Variants in SNX29 observed in about 807,000 individuals in gnomAD.
SNX29 encodes the protein sorting nexin-29.
In SNX29, 78 loss-of-function variants were observed where a neutral mutation model predicts 102.1. The ratio of observed to expected loss-of-function variants is 0.76; its 90% CI spans 0.64 to 0.92. The LOEUF (loss-of-function observed/expected upper bound fraction) is 0.92. Ranked by LOEUF, SNX29 falls within the 40% of genes least tolerant of loss-of-function variation. SNX29 has a pLI of 0.00. For missense variants in SNX29, 1,280 were observed against 1,061.7 expected (o/e 1.21, Z -2.86); for synonymous variants, 580 against 414.5 (o/e 1.40, Z -4.85).
chr16:12,478,890 C>G (rs1428541285), intron 19 of SNX29, among the ~76,000 whole-genome samples: 1 of 152,134 alleles, frequency 6.6e-6, no homozygotes, highest in Non-Finnish European at 1.5e-5. Context: ...GAATCTTTGG[C>G]TTAGAGTCAA....
intron 14 of SNX29, among the ~76,000 whole-genome samples, chr16:12,201,089 A>G (rs969381486): frequency 3.3e-5 from 5 of 152,220 alleles, no homozygotes; most frequent in Admixed American, 1.3e-4. Context: ...TTTGATCAGG[A>G]TCAGCTTATT....
At chr16:12,538,030 G>A (rs370186092) in intron 20 of SNX29, among the ~76,000 whole-genome samples, 39 of 150,936 alleles carry the variant, frequency 2.6e-4, no homozygotes, top group East Asian at 7.8e-4. Flanking sequence ...GACCAAAATC[G>A]TCCTGTCCTG....
intron 18 of SNX29, among the ~76,000 whole-genome samples, chr16:12,473,980 A>T (rs779646160): frequency 1.3e-5 from 2 of 152,144 alleles, no homozygotes; most frequent in African/African-American, 4.8e-5. Flanking sequence ...TTACTTTCCT[A>T]ATCAACTTGC....
intron 15 of SNX29, among the ~76,000 whole-genome samples, chr16:12,288,880 A>G (rs1429926602): frequency 6.6e-6 from 1 of 152,074 alleles, no homozygotes; most frequent in Non-Finnish European, 1.5e-5. Flanking sequence ...AGGTAGAAGC[A>G]AGATTTGACC....
intron 14 of SNX29, among the ~76,000 whole-genome samples, chr16:12,214,001 C>G (rs557578141): frequency 9.9e-5 from 15 of 152,136 alleles, no homozygotes; most frequent in African/African-American, 3.4e-4. Flanking sequence ...TTGCCCCACT[C>G]CTTGGGAAAA....
At chr16:12,137,887 A>G (rs866437056) in intron 13 of SNX29, among the ~76,000 whole-genome samples, 20 of 152,300 alleles carry the variant, frequency 1.3e-4, no homozygotes, top group Middle Eastern at 6.8e-3. Flanking sequence ...GGGCCGTTTC[A>G]TTGCTATCTC....
chr16:12,350,969 A>C (rs2081976664), intron 15 of SNX29, among the ~76,000 whole-genome samples: 1 of 152,138 alleles, frequency 6.6e-6, no homozygotes, highest in Non-Finnish European at 1.5e-5. Flanking sequence ...ATTGTCCTTA[A>C]CCACCAAAGG....
chr16:12,571,729 G>T lies in SNX29; in HGVS notation c.*3100G>T. The T allele has an allele frequency of 9.6e-7, 1 of 1,044,618 alleles. No individual in the cohort carries two copies. Among genetic ancestry groups the T allele is most frequent in the African/African-American group, 1.6e-5 (1 of 60,622 alleles). 64.7% of individuals were successfully genotyped at this position (1,044,618 alleles called of 1,614,324 possible). On this transcript the variant is annotated 3_prime_UTR_variant, in exon 21 of 21. Transcript: ENST00000566228. ...TTCTAAGGGAGGGAGCTTAAAGGCTGCTAGAAACCTAGCCCAACCATCCAC... is the reference window on the plus strand; with the variant it reads ...TTCTAAGGGAGGGAGCTTAAAGGCTTCTAGAAACCTAGCCCAACCATCCAC...
intron 19 of SNX29, among the ~76,000 whole-genome samples, chr16:12,484,723 G>C (rs147417271): frequency 0.027 from 4,072 of 152,218 alleles, 68 homozygotes; most frequent in Middle Eastern, 0.044. Context: ...CCATTCACCA[G>C]ATGTCAGTTC....
At chr16:12,205,714 C>T (rs566206085) in intron 14 of SNX29, among the ~76,000 whole-genome samples, 10 of 152,304 alleles carry the variant, frequency 6.6e-5, no homozygotes, top group East Asian at 3.9e-4. Flanking sequence ...ATTCTATCTC[C>T]GACTTTTCAT....
chr16:12,543,710 G>A (rs1212364607), intron 20 of SNX29, among the ~76,000 whole-genome samples: 2 of 152,192 alleles, frequency 1.3e-5, no homozygotes, highest in African/African-American at 4.8e-5. Context: ...ATTAACCACG[G>A]GAATTAATGA....
chr16:12,315,369 G>A (rs1200308954), intron 15 of SNX29, among the ~76,000 whole-genome samples: 2 of 152,158 alleles, frequency 1.3e-5, no homozygotes, highest in Non-Finnish European at 2.9e-5. Flanking sequence ...TCTGCTTCCA[G>A]CCCTCAACTT....
chr16:12,235,156 T>C (rs2077887998), intron 14 of SNX29, among the ~76,000 whole-genome samples: 1 of 152,166 alleles, frequency 6.6e-6, no homozygotes, highest in Non-Finnish European at 1.5e-5. Flanking sequence ...AGATGAACTT[T>C]GCAGTCAGTT....
chr16:12,137,631 AC>A (rs1195577243), intron 13 of SNX29, among the ~76,000 whole-genome samples: 3 of 152,110 alleles, frequency 2.0e-5, no homozygotes, highest in Non-Finnish European at 4.4e-5. Flanking sequence ...CTCACACTCC[AC>A]CCTGAGGGTC....
intron 14 of SNX29, among the ~76,000 whole-genome samples, chr16:12,220,499 T>C (rs1459546404): frequency 2.6e-5 from 4 of 152,060 alleles, no homozygotes; most frequent in Non-Finnish European, 5.9e-5. Flanking sequence ...TGTGATTTTA[T>C]CCTCAGGCTA....
At chr16:12,348,744 G>T (rs1228762699) in intron 15 of SNX29, among the ~76,000 whole-genome samples, 9 of 152,178 alleles carry the variant, frequency 5.9e-5, no homozygotes, top group Non-Finnish European at 1.5e-5. Context: ...CCGAATCCCA[G>T]TTCTGCTGCT....
chr16:12,063,366 CTTTTTTTTTTTTTTTT>C (rs369015533), intron 9 of SNX29, among the ~76,000 whole-genome samples: 1,064 of 55,454 alleles, frequency 0.019, 72 homozygotes, highest in African/African-American at 0.073. Flanking sequence ...CCTAGTCCAT[CTTTTTTTTTTTTTTTT>C]TTTTTTTTTT....
intron 14 of SNX29, among the ~76,000 whole-genome samples, chr16:12,232,734 C>T (rs112251755): frequency 0.017 from 2,594 of 152,264 alleles, 77 homozygotes; most frequent in African/African-American, 0.06. Context: ...CCCAGGATGG[C>T]TGCAGCCTAG....
At chr16:12,143,664 A>G (rs2054947811) in intron 13 of SNX29, among the ~76,000 whole-genome samples, 1 of 152,236 alleles carries the variant, frequency 6.6e-6, no homozygotes, top group Non-Finnish European at 1.5e-5. Flanking sequence ...AGTAACAGAC[A>G]GCCATGGTGA....
Sources: allele counts gnomAD v4.1 joint callset (sites outside exome capture counted in the v4.1 genomes callset), GRCh38; gene constraint gnomAD v4.1.1; transcripts MANE v1.5; gene names NCBI Gene and HGNC (gene_info 2026-07-23, HGNC 2026-07-21).